Variants in STX16 observed in about 807,000 individuals in gnomAD.
The protein encoded by STX16 is syntaxin-16.
Under a neutral mutation model 42.7 loss-of-function variants are expected in STX16, and 28 were observed. The ratio of observed to expected loss-of-function variants is 0.66; its 90% CI spans 0.49 to 0.90. STX16 has a LOEUF of 0.90. Ranked by LOEUF, STX16 falls within the 40% of genes least tolerant of loss-of-function variation. The pLI, the probability that STX16 is intolerant of heterozygous loss-of-function variation, is 0.00. For synonymous variants in STX16, 156 were observed against 155.2 expected (o/e 1.00, Z -0.04); for missense variants, 361 against 420.9 (o/e 0.86, Z 1.24).
intron 4 of STX16, among the ~76,000 whole-genome samples, chr20:58,668,611 G>T (rs1045844347): frequency 6.6e-6 from 1 of 151,760 alleles, no homozygotes; most frequent in Non-Finnish European, 1.5e-5. Context: ...TATCAGAGGA[G>T]TGTGGTGCTT....
At chr20:58,662,451 TAAC>T (rs776176302) in intron 2 of STX16, among the ~76,000 whole-genome samples, 4 of 152,204 alleles carry the variant, frequency 2.6e-5, no homozygotes, top group Non-Finnish European at 2.9e-5. Flanking sequence ...CAGTGAAACT[TAAC>T]AACAGTATCA....
At chr20:58,665,642 CAG>C (rs1491428739) in intron 2 of STX16, among the ~76,000 whole-genome samples, 1 of 152,142 alleles carries the variant, frequency 6.6e-6, no homozygotes. Context: ...TGAAACCAAA[CAG>C]AAGGTAGTGG....
intron 2 of STX16, 124 bp downstream of exon 2, chr20:58,659,758 T>C: frequency 9.8e-7 from 1 of 1,016,128 alleles, no homozygotes; most frequent in Non-Finnish European, 1.4e-6. Context: ...TTTGTTTTGA[T>C]TACTTTATAA....
In STX16 at chr20:58,669,265, C is replaced by G. The variant is rs760515476; in HGVS notation, c.394-26C>G. On this transcript the variant is annotated intron_variant, in intron 4 of 8. Transcript: ENST00000371141. ...AGAGGGGCTTCTCTCCCAGGCTTGC[C>G]CTGAGCCTCGGGCTTGTTCTCTTAG... 5 of 1,606,528 alleles carry G rather than the reference C, an allele frequency of 3.1e-6. No homozygotes were observed. The South Asian group carries it at 5.5e-5, about 18-fold the overall frequency.
At chr20:58,674,303 TA>T (rs1242391574) in intron 8 of STX16, among the ~76,000 whole-genome samples, 5 of 152,272 alleles carry the variant, frequency 3.3e-5, no homozygotes, top group South Asian at 2.1e-4. Context: ...TATTCTCTTT[TA>T]AAAAAATAGA....
intron 1 of STX16, among the ~76,000 whole-genome samples, chr20:58,652,947 G>C (rs1568809733): frequency 1.3e-5 from 2 of 152,018 alleles, no homozygotes; most frequent in Non-Finnish European, 2.9e-5. Context: ...TTACTGTTTG[G>C]GGTTTGTTTT....
chr20:58,661,529 T>A (rs1380350088), intron 2 of STX16, among the ~76,000 whole-genome samples: 1 of 152,248 alleles, frequency 6.6e-6, no homozygotes, highest in East Asian at 1.9e-4. Flanking sequence ...GCCACCTCAT[T>A]TCCTTGTGCG....
At position 58,652,119 on chromosome 20, in the gene STX16, A is replaced by G; in HGVS notation, c.113A>G (p.His38Arg). 2.5e-6 allele frequency: 4 copies of G among 1,614,054 alleles called. No individual in the cohort carries two copies. The highest frequency in any genetic ancestry group is 3.4e-6 in the Non-Finnish European group (4 of 1,179,992). The change falls in exon 1 of 9, where the codon CAT becomes CGT. Residue 38 changes from histidine (H) to arginine (R), a missense_variant. His to Arg is a conservative substitution (Grantham distance 29, BLOSUM62 0). Transcript: ENST00000371141. ...VSSHITSSPL[H>R]SRSIAAELDE... The stretch of plus-strand genomic sequence containing the variant: ...AGTCACATCACCTCCAGCCCTCTGC[A>G]TTCACGTAGCATTGCTGCGGTGAGT...
At position 58,669,389 on chromosome 20, in the gene STX16, G is replaced by T. The variant is rs748859200; in HGVS notation, c.492G>T (p.Ser164=). 1.9e-6 allele frequency: 3 copies of T among 1,611,662 alleles called. No homozygotes were observed. The highest frequency in any genetic ancestry group is 1.3e-5 in the African/African-American group (1 of 74,808). The change falls in exon 5 of 9, where the codon TCG becomes TCT. Residue 164 remains serine (S), a synonymous_variant. Coordinates refer to ENST00000371141, the MANE Select transcript of STX16 (RefSeq NM_001001433.3). ...EGRLLGNVVA[S]LAQALQELST... ...GGCTGCTTGGGAACGTGGTGGCCTCGCTGGCGCAGGCCCTGCAGGAACTCT... is the reference window on the plus strand; with the variant it reads ...GGCTGCTTGGGAACGTGGTGGCCTCTCTGGCGCAGGCCCTGCAGGAACTCT...
Position 58,651,775 on chromosome 20 carries a change from T to C in STX16, c.-232T>C. On this transcript the variant is annotated 5_prime_UTR_variant, in exon 1 of 9. Transcript: ENST00000371141. The stretch of plus-strand genomic sequence containing the variant: ...GGATTCAAGTGCTTAGAGATCGAAG[T>C]CTGCCCTGGGTAGGGGGAGTCAGAC... 1 of 487,848 alleles carries C rather than the reference T, an allele frequency of 2.0e-6. No individual in the cohort carries two copies. The highest frequency in any genetic ancestry group is 2.4e-5 in the South Asian group (1 of 42,476). 30.2% of individuals were successfully genotyped at this position (487,848 alleles called of 1,614,324 possible).
chr20:58,678,790 C>CAGT lies in STX16; in HGVS notation c.*2502_*2504dup, dbSNP rs1257403945. On this transcript the variant is annotated 3_prime_UTR_variant, in exon 9 of 9. Transcript: ENST00000371141. Reference sequence around the variant, plus strand: ...GTTGAGCCTGTACTTGGGGAGAGATCAGTAGCATTTGAGGAAGTAAGAGAA... The same window carrying CAGT: ...GTTGAGCCTGTACTTGGGGAGAGATCAGTAGTAGCATTTGAGGAAGTAAGAGAA... 5.3e-5 allele frequency: 8 copies of CAGT among 152,194 alleles called. No individual in the cohort carries two copies. Among genetic ancestry groups the CAGT allele is most frequent in the Non-Finnish European group, 1.2e-4 (8 of 68,064 alleles). The allele number at this position is 152,194 out of a possible 1,614,324, so 9.4% of individuals were successfully genotyped here.
intron 7 of STX16, 87 bp downstream of exon 7, chr20:58,671,384 A>G: frequency 1.4e-6 from 2 of 1,410,302 alleles, no homozygotes; most frequent in East Asian, 2.3e-5. Context: ...AGGGAAAAAA[A>G]TTGGAGCCAA....
Position 58,651,992 on chromosome 20 carries a change from C to T in STX16, c.-15C>T. ...GGCGGGGGGCCCCTGAGAGGGGGGTCGCAAAGGGTGAGACATGGCCACCAG... is the reference window on the plus strand; with the variant it reads ...GGCGGGGGGCCCCTGAGAGGGGGGTTGCAAAGGGTGAGACATGGCCACCAG... On this transcript the variant is annotated 5_prime_UTR_variant, in exon 1 of 9. Transcript: ENST00000371141. 1.2e-6 allele frequency: 2 copies of T among 1,613,254 alleles called. No individual in the cohort carries two copies. The highest frequency in any genetic ancestry group is 1.3e-5 in the African/African-American group (1 of 75,048).
intron 2 of STX16, among the ~76,000 whole-genome samples, chr20:58,662,384 C>T (rs935600665): frequency 4.6e-5 from 7 of 152,210 alleles, no homozygotes; most frequent in African/African-American, 1.7e-4. Context: ...GGACGGATTG[C>T]TCCCCTCCTT....
intron 4 of STX16, 25 bp from the exon 5 acceptor site, chr20:58,669,266 C>G (rs1417856129): frequency 3.1e-6 from 5 of 1,606,710 alleles, no homozygotes; most frequent in Non-Finnish European, 4.2e-6. Flanking sequence ...CAGGCTTGCC[C>G]TGAGCCTCGG....
chr20:58,656,361 A>G (rs2083586619), intron 1 of STX16, among the ~76,000 whole-genome samples: 2 of 152,250 alleles, frequency 1.3e-5, no homozygotes, highest in Admixed American at 6.5e-5. Context: ...TAACTTTCAC[A>G]TTATTATGCC....
chr20:58,675,288 G>A (rs2123025637), intron 8 of STX16, among the ~76,000 whole-genome samples: 1 of 152,308 alleles, frequency 6.6e-6, no homozygotes, highest in Admixed American at 6.5e-5. Flanking sequence ...TGCCATTCTC[G>A]CCAGGGCTGC....
chr20:58,669,917 C>T (rs1382047358), intron 5 of STX16, among the ~76,000 whole-genome samples: 1 of 152,180 alleles, frequency 6.6e-6, no homozygotes, highest in Non-Finnish European at 1.5e-5. Flanking sequence ...TCTGCTGGCA[C>T]CACAGGTTTC....
chr20:58,669,585 C>A, intron 5 of STX16, 132 bp downstream of exon 5: 1 of 1,126,122 alleles, frequency 8.9e-7, no homozygotes, highest in East Asian at 2.9e-5. Flanking sequence ...ATACCTTGTA[C>A]AGTAAAGGGA....
Sources: gnomAD v4.1 joint callset for allele counts (sites outside exome capture counted in the v4.1 genomes callset) on GRCh38, gnomAD v4.1.1 for gene constraint, MANE v1.5 for transcripts, NCBI Gene and HGNC (gene_info 2026-07-23, HGNC 2026-07-21) for gene names.